The following ATP11B variants were observed in gnomAD, a reference collection of about 807,000 sequenced individuals.
ATP11B encodes phospholipid-transporting ATPase IF.
A neutral mutation model predicts 157.8 loss-of-function variants in ATP11B; 81 were observed. The ratio of observed to expected loss-of-function variants is 0.51; its 90% CI spans 0.43 to 0.62. The LOEUF is 0.62. Ranked by LOEUF, ATP11B falls within the 20% of genes least tolerant of loss-of-function variation. The pLI is 0.00. For missense variants in ATP11B, 1,165 were observed against 1,402.2 expected, an observed-to-expected ratio of 0.83 and a Z score of 2.70; for synonymous variants, 451 against 469.4, an observed-to-expected ratio of 0.96 and a Z score of 0.51.
intron 10 of ATP11B, 73 bp from the exon 11 acceptor site, chr3:182,857,805 G>A: frequency 1.1e-6 from 1 of 919,070 alleles, no homozygotes; most frequent in Non-Finnish European, 1.7e-6. Flanking sequence ...TCTAATACAA[G>A]TACTAATTTT....
intron 7 of ATP11B, among the ~76,000 whole-genome samples, chr3:182,839,822 A>G (rs1718862597): frequency 6.6e-6 from 1 of 152,098 alleles, no homozygotes; most frequent in Non-Finnish European, 1.5e-5. Flanking sequence ...CATGTTTGCC[A>G]GGCTGTTATC....
intron 28 of ATP11B, among the ~76,000 whole-genome samples, chr3:182,909,648 C>G (rs552518290): frequency 6.6e-6 from 1 of 152,214 alleles, no homozygotes; most frequent in South Asian, 2.1e-4. Context: ...GCTCCCAGTT[C>G]CTGAATATTG....
rs58010951 is a variant in ATP11B, at chr3:182,918,814, C to A, written c.*710C>A. ...ATACAAATCAGGAATCAGGTCCGTT[C>A]ACCGAACTTCAAATTGATGTTTACT... On this transcript the variant is annotated 3_prime_UTR_variant, in exon 30 of 30. Coordinates refer to ENST00000323116, the MANE Select transcript of ATP11B (RefSeq NM_014616.3). 0.034 allele frequency: 5,311 copies of A among 154,858 alleles called. 317 individuals are homozygous for A. The highest frequency in any genetic ancestry group is 0.12 in the African/African-American group (4,923 of 41,658). The allele number at this position is 154,858 out of a possible 1,614,324, so 9.6% of individuals were successfully genotyped here.
At chr3:182,814,828 A>AGG (rs1282241936) in intron 1 of ATP11B, among the ~76,000 whole-genome samples, 1 of 152,100 alleles carries the variant, frequency 6.6e-6, no homozygotes, top group African/African-American at 2.4e-5. Context: ...TATAGTCTGG[A>AGG]GGGGGAGATA....
chr3:182,834,860 C>G (rs949677741), intron 4 of ATP11B, among the ~76,000 whole-genome samples: 2 of 152,200 alleles, frequency 1.3e-5, no homozygotes, highest in African/African-American at 4.8e-5. Flanking sequence ...CAAAACTTAA[C>G]TACTGATAGT....
intron 19 of ATP11B, among the ~76,000 whole-genome samples, chr3:182,878,835 T>A (rs73177346): frequency 0.025 from 3,741 of 152,320 alleles, 62 homozygotes; most frequent in Non-Finnish European, 0.034. Flanking sequence ...AGTTTTTTTT[T>A]AATTAGGATT....
chr3:182,902,026 T>A (rs919761286), intron 28 of ATP11B, among the ~76,000 whole-genome samples: 3 of 152,196 alleles, frequency 2.0e-5, no homozygotes, highest in Non-Finnish European at 4.4e-5. Context: ...CTGGGGTTGG[T>A]GTGTTTTTTC....
chr3:182,849,129 T>G (rs909566539), intron 10 of ATP11B, among the ~76,000 whole-genome samples: 2 of 152,208 alleles, frequency 1.3e-5, no homozygotes, highest in African/African-American at 4.8e-5. Flanking sequence ...CAATGAGATG[T>G]AAGCTACAGA....
At chr3:182,883,203 T>C (rs1722547123) in intron 21 of ATP11B, among the ~76,000 whole-genome samples, 1 of 152,082 alleles carries the variant, frequency 6.6e-6, no homozygotes, top group Non-Finnish European at 1.5e-5. Flanking sequence ...ATTACAAGTA[T>C]ACATTTGAAG....
chr3:182,820,178 C>A, intron 1 of ATP11B, 82 bp from the exon 2 acceptor site: 1 of 896,176 alleles, frequency 1.1e-6, no homozygotes, highest in Non-Finnish European at 1.9e-6. Context: ...GTAATCTGAC[C>A]AGCTAAATAA....
intron 12 of ATP11B, among the ~76,000 whole-genome samples, chr3:182,862,989 C>T (rs913398219): frequency 2.0e-5 from 3 of 151,958 alleles, no homozygotes; most frequent in Admixed American, 1.3e-4. Context: ...AATCTCGGCT[C>T]ACTGCAAGCT....
intron 28 of ATP11B, among the ~76,000 whole-genome samples, chr3:182,909,448 C>G (rs958829320): frequency 1.3e-5 from 2 of 152,166 alleles, no homozygotes; most frequent in Admixed American, 6.6e-5. Context: ...TGGGGTCTCA[C>G]TCCCATTACT....
At chr3:182,849,803 A>G (rs1423887880) in intron 10 of ATP11B, among the ~76,000 whole-genome samples, 1 of 152,164 alleles carries the variant, frequency 6.6e-6, no homozygotes, top group Non-Finnish European at 1.5e-5. Context: ...TTCCCAAAAA[A>G]AGAGAAAAAA....
chr3:182,795,934 T>C (rs868060107), intron 1 of ATP11B, among the ~76,000 whole-genome samples: 1 of 152,166 alleles, frequency 6.6e-6, no homozygotes, highest in South Asian at 2.1e-4. Flanking sequence ...TTTGGGGAAA[T>C]TGACAAGCAA....
At chr3:182,843,482 A>G (rs969129510) in intron 8 of ATP11B, 4 of 152,340 alleles carry the variant, frequency 2.6e-5, no homozygotes, top group East Asian at 3.9e-4. Flanking sequence ...TCTTCACTTC[A>G]GAATCATTCA....
chr3:182,917,067 T>A, intron 29 of ATP11B: 4 of 985,330 alleles, frequency 4.1e-6, no homozygotes, highest in Non-Finnish European at 4.8e-6. Context: ...TAGAAACTAG[T>A]CGAATTAAAG....
chr3:182,815,332 A>C (rs2108494293), intron 1 of ATP11B, among the ~76,000 whole-genome samples: 1 of 152,326 alleles, frequency 6.6e-6, no homozygotes, highest in East Asian at 1.9e-4. Flanking sequence ...ACAGTGTCAC[A>C]TTATCTTGCC....
chr3:182,917,954 G>A (rs537510595), intron 29 of ATP11B, 69 bp from the exon 30 acceptor site: 49 of 1,584,512 alleles, frequency 3.1e-5, no homozygotes, highest in Non-Finnish European at 4.1e-5. Flanking sequence ...CTAAGTTTTA[G>A]AGTAAATTTT....
intron 1 of ATP11B, among the ~76,000 whole-genome samples, chr3:182,812,264 G>T (rs1025008390): frequency 6.6e-6 from 1 of 152,200 alleles, no homozygotes; most frequent in African/African-American, 2.4e-5. Context: ...ATATACCAAG[G>T]AGGATTTAGA....
Sources: gnomAD v4.1 joint callset for allele counts (sites outside exome capture counted in the v4.1 genomes callset) on GRCh38, gnomAD v4.1.1 for gene constraint, MANE v1.5 for transcripts, NCBI Gene and HGNC (gene_info 2026-07-23, HGNC 2026-07-21) for gene names.